Variants in NRXN3 observed in about 807,000 individuals in gnomAD.
NRXN3 encodes the protein neurexin 3.
In NRXN3, 32 loss-of-function variants were observed where a neutral mutation model predicts 137.6. That is an observed-to-expected ratio of 0.23 (90% confidence interval 0.18 to 0.31). NRXN3 has a LOEUF of 0.31. Ranked by LOEUF, NRXN3 falls within the 10% of genes least tolerant of loss-of-function variation. The probability of loss-of-function intolerance (pLI) is 1.00; values close to 1 mark genes in which losing one functional copy is unlikely to be tolerated. For missense variants in NRXN3, 1,574 were observed against 2,062.5 expected (o/e 0.76, Z 4.59); for synonymous variants, 798 against 784.5 (o/e 1.02, Z -0.29).
chr14:79,088,824 G>A (rs1276338039), intron 15 of NRXN3, among the ~76,000 whole-genome samples: 1 of 152,120 alleles, frequency 6.6e-6, no homozygotes. Flanking sequence ...TGGAAACAAG[G>A]CAGTTTGAAT....
chr14:79,353,362 T>G (rs1459722580), intron 15 of NRXN3, among the ~76,000 whole-genome samples: 1 of 152,076 alleles, frequency 6.6e-6, no homozygotes, highest in Non-Finnish European at 1.5e-5. Flanking sequence ...AATGAGTATG[T>G]ATTAAGGGGA....
At chr14:79,444,144 A>G (rs1207956853) in intron 15 of NRXN3, among the ~76,000 whole-genome samples, 3 of 152,216 alleles carry the variant, frequency 2.0e-5, no homozygotes, top group African/African-American at 7.2e-5. Context: ...ACAGCAGAGC[A>G]AAAGAAAGAA....
chr14:78,803,982 C>T (rs182796579), intron 9 of NRXN3, among the ~76,000 whole-genome samples, 159 bp downstream of exon 9: 1 of 152,318 alleles, frequency 6.6e-6, no homozygotes, highest in Admixed American at 6.5e-5. Flanking sequence ...CAGCGATCAC[C>T]TTCTCCTTGT....
At chr14:79,170,065 A>G (rs952757700) in intron 15 of NRXN3, among the ~76,000 whole-genome samples, 1 of 152,096 alleles carries the variant, frequency 6.6e-6, no homozygotes, top group Non-Finnish European at 1.5e-5. Flanking sequence ...TATTACTTCT[A>G]TTACACATTT....
At chr14:79,237,044 C>A (rs1488619384) in intron 15 of NRXN3, among the ~76,000 whole-genome samples, 1 of 151,080 alleles carries the variant, frequency 6.6e-6, no homozygotes, top group African/African-American at 2.4e-5. Flanking sequence ...ATATAAACCA[C>A]TGCACACTAA....
chr14:79,353,402 C>T (rs2093303641), intron 15 of NRXN3, among the ~76,000 whole-genome samples: 2 of 152,006 alleles, frequency 1.3e-5, no homozygotes, highest in Admixed American at 6.6e-5. Flanking sequence ...TCTTGCCTTC[C>T]TTTTCTCCCC....
At position 79,645,570 on chromosome 14, in the gene NRXN3, G is replaced by A. The variant is rs751187468; in HGVS notation, c.3445-18208G>A. Among the ~76,000 whole-genome samples, 2 of 129,392 alleles carry A rather than the reference G, an allele frequency of 1.5e-5. 1 individual carries two copies. Among genetic ancestry groups the A allele is most frequent in the Non-Finnish European group, 3.6e-5 (2 of 55,694 alleles). The allele number at this position is 129,392 out of a possible 152,430, so 84.9% of individuals were successfully genotyped here. On this transcript the variant is annotated intron_variant, in intron 16 of 20. Transcript: ENST00000335750. ...GGCAGGGGTTGCAGTGAGTTGAGATGCGCCACTGCACTCCAGCTTGGGTGA... is the reference window on the plus strand; with the variant it reads ...GGCAGGGGTTGCAGTGAGTTGAGATACGCCACTGCACTCCAGCTTGGGTGA...
chr14:79,346,483 T>A (rs2092890904), intron 15 of NRXN3, among the ~76,000 whole-genome samples: 1 of 152,024 alleles, frequency 6.6e-6, no homozygotes, highest in South Asian at 2.1e-4. Context: ...TATGAGCACA[T>A]CATAAAATGA....
chr14:78,807,734 C>CAAAAAAAAAAAAAAAAA (rs144921592), intron 9 of NRXN3, among the ~76,000 whole-genome samples: 1 of 111,726 alleles, frequency 9.0e-6, no homozygotes, highest in African/African-American at 3.2e-5. Context: ...GATTCTGTCT[C>CAAAAAAAAAAAAAAAAA]AAAAAAAAAA....
At chr14:78,647,992 C>T (rs988674748) in intron 5 of NRXN3, among the ~76,000 whole-genome samples, 3 of 152,138 alleles carry the variant, frequency 2.0e-5, no homozygotes, top group African/African-American at 7.2e-5. Flanking sequence ...GTAAAGTTTA[C>T]CTGGGGTTTC....
chr14:79,037,835 A>G (rs969307443), intron 15 of NRXN3, among the ~76,000 whole-genome samples: 1 of 152,122 alleles, frequency 6.6e-6, no homozygotes, highest in Non-Finnish European at 1.5e-5. Context: ...TCGCTCGCTT[A>G]TGATGGCCCT....
intron 4 of NRXN3, among the ~76,000 whole-genome samples, chr14:78,530,718 G>A (rs889501539): frequency 2.6e-5 from 4 of 152,180 alleles, no homozygotes; most frequent in South Asian, 2.1e-4. Flanking sequence ...GGTAAACTCT[G>A]CCAAGATTTT....
intron 10 of NRXN3, among the ~76,000 whole-genome samples, chr14:78,864,304 C>A (rs896722962): frequency 1.3e-5 from 2 of 152,064 alleles, no homozygotes; most frequent in East Asian, 1.9e-4. Flanking sequence ...AATCCCTAAC[C>A]ATGTAATCTT....
chr14:79,480,013 A>T (rs1319975339), intron 16 of NRXN3, among the ~76,000 whole-genome samples: 1 of 152,192 alleles, frequency 6.6e-6, no homozygotes, highest in Non-Finnish European at 1.5e-5. Context: ...AAAACGCTAA[A>T]TGATCTCAAA....
At chr14:79,280,206 G>C (rs2081041140) in intron 15 of NRXN3, 1 of 1,567,358 alleles carries the variant, frequency 6.4e-7, no homozygotes, top group African/African-American at 1.4e-5. Context: ...CTCCTGCTAT[G>C]ATGGGCCCTT....
At chr14:78,283,766 C>T (rs1296467984) in intron 3 of NRXN3, among the ~76,000 whole-genome samples, 1 of 152,198 alleles carries the variant, frequency 6.6e-6, no homozygotes, top group Non-Finnish European at 1.5e-5. Context: ...GCCTCAGCCT[C>T]CCCAAGTGCT....
At chr14:78,282,700 C>G (rs956929610) in intron 3 of NRXN3, among the ~76,000 whole-genome samples, 3 of 152,266 alleles carry the variant, frequency 2.0e-5, no homozygotes, top group African/African-American at 7.2e-5. Flanking sequence ...ATCTCCGCCC[C>G]GTATTGTGTT....
At chr14:79,213,641 G>A (rs2068045011) in intron 15 of NRXN3, among the ~76,000 whole-genome samples, 2 of 148,722 alleles carry the variant, frequency 1.3e-5, no homozygotes, top group Non-Finnish European at 3.0e-5. Flanking sequence ...GGGGTGGCGG[G>A]AACAAAACAA....
At chr14:79,258,260 T>G (rs985875501) in intron 15 of NRXN3, among the ~76,000 whole-genome samples, 1 of 152,146 alleles carries the variant, frequency 6.6e-6, no homozygotes, top group Admixed American at 6.5e-5. Context: ...TGCAATGGTG[T>G]GATCTCAGCT....
Sources: allele counts gnomAD v4.1 joint callset (sites outside exome capture counted in the v4.1 genomes callset), GRCh38; gene constraint gnomAD v4.1.1; transcripts MANE v1.5; gene names NCBI Gene and HGNC (gene_info 2026-07-23, HGNC 2026-07-21).